The following BTBD9 variants were observed in gnomAD, a reference collection of about 807,000 sequenced individuals.
The protein encoded by BTBD9 is BTB/POZ domain-containing protein 9.
A neutral mutation model predicts 64.3 loss-of-function variants in BTBD9; 49 were observed. The observed-to-expected ratio is 0.76, with a 90% CI of 0.61 to 0.97. The LOEUF is 0.97. BTBD9 is among the 50% of genes least tolerant of loss of function. The probability of loss-of-function intolerance (pLI) is 0.00; values close to 1 mark genes in which losing one functional copy is unlikely to be tolerated. For synonymous variants in BTBD9, 260 were observed against 274.7 expected (o/e 0.95, Z 0.53); for missense variants, 598 against 762.1 (o/e 0.78, Z 2.53).
At chr6:38,409,105 C>T (rs979755603) in intron 6 of BTBD9, among the ~76,000 whole-genome samples, 2 of 152,124 alleles carry the variant, frequency 1.3e-5, no homozygotes, top group Non-Finnish European at 2.9e-5. Context: ...CAAAAACTAG[C>T]CAGGCATGAT....
At chr6:38,206,374 G>C (rs1301768489) in intron 9 of BTBD9, among the ~76,000 whole-genome samples, 2 of 151,794 alleles carry the variant, frequency 1.3e-5, no homozygotes, top group East Asian at 3.9e-4. Context: ...CCAAGTAGCT[G>C]GGATTACAGG....
chr6:38,627,625 T>G (rs1699002), intron 1 of BTBD9, among the ~76,000 whole-genome samples: 101,939 of 152,002 alleles, frequency 0.67, 34,874 homozygotes, highest in African/African-American at 0.82. Context: ...TTCAAAGAGG[T>G]GGAACTGGAT....
rs149614096 is a variant in BTBD9, at chr6:38,481,523, C to A, written c.1154+96077G>T. ...AAAATGAATTCCAGGGTGAGCAGCTCTGCTCACGACCTCTTTTCAGTTGGT... is the reference window on the plus strand; with the variant it reads ...AAAATGAATTCCAGGGTGAGCAGCTATGCTCACGACCTCTTTTCAGTTGGT... On this transcript the variant is annotated intron_variant, in intron 6 of 10. Coordinates refer to ENST00000481247, the MANE Select transcript of BTBD9 (RefSeq NM_001099272.2). 3.9e-3 allele frequency among the ~76,000 whole-genome samples: 587 copies of A among 152,268 alleles called. 5 individuals are homozygous for A. The highest frequency in any genetic ancestry group is 0.013 in the African/African-American group (548 of 41,568).
rs531445902 is a variant in BTBD9, at chr6:38,548,367, C to T, written c.1154+29233G>A. On this transcript the variant is annotated intron_variant, in intron 6 of 10. Transcript: ENST00000481247. ...CTCTCTTCGAAGTCTATTACGTATGCTTTGTAATTTACTGAAAATTGAAAT... is the reference window on the plus strand; with the variant it reads ...CTCTCTTCGAAGTCTATTACGTATGTTTTGTAATTTACTGAAAATTGAAAT... Among the ~76,000 whole-genome samples the T allele has an allele frequency of 3.3e-5, 5 of 152,256 alleles. No individual in the cohort carries two copies. The South Asian group carries it at 6.2e-4, about 19-fold the overall frequency.
At chr6:38,636,207 T>C (rs985481269) in intron 1 of BTBD9, among the ~76,000 whole-genome samples, 1 of 152,166 alleles carries the variant, frequency 6.6e-6, no homozygotes, top group Non-Finnish European at 1.5e-5. Context: ...AGCCAACCAA[T>C]AAACAGCATA....
chr6:38,255,525 T>G (rs1391478501), intron 9 of BTBD9, among the ~76,000 whole-genome samples: 1 of 152,238 alleles, frequency 6.6e-6, no homozygotes, highest in East Asian at 1.9e-4. Flanking sequence ...TACTGATCTC[T>G]TTTCATGTAC....
At chr6:38,445,076 CT>C (rs1769207835) in intron 6 of BTBD9, among the ~76,000 whole-genome samples, 1 of 152,108 alleles carries the variant, frequency 6.6e-6, no homozygotes, top group Admixed American at 6.5e-5. Context: ...CTCTAGAGCT[CT>C]TTTTCCCCTG....
chr6:38,347,335 G>C (rs1331134183), intron 6 of BTBD9, among the ~76,000 whole-genome samples: 1 of 152,126 alleles, frequency 6.6e-6, no homozygotes. Context: ...AAAAAGTTCT[G>C]TGTAAATGAA....
chr6:38,574,375 G>C (rs138603752), intron 6 of BTBD9, among the ~76,000 whole-genome samples: 107 of 152,190 alleles, frequency 7.0e-4, no homozygotes, highest in African/African-American at 2.5e-3. Context: ...AAGATAGGCC[G>C]GTTGTTAAGA....
intron 6 of BTBD9, among the ~76,000 whole-genome samples, chr6:38,556,472 T>C (rs1317413935): frequency 1.3e-5 from 2 of 151,710 alleles, no homozygotes; most frequent in East Asian, 3.9e-4. Flanking sequence ...AAGAGATATA[T>C]AGCAAGCATA....
At chr6:38,349,380 G>A (rs1764412221) in intron 6 of BTBD9, among the ~76,000 whole-genome samples, 1 of 152,148 alleles carries the variant, frequency 6.6e-6, no homozygotes, top group Non-Finnish European at 1.5e-5. Flanking sequence ...CTTTGAGAAT[G>A]CTGGTTGTCT....
intron 6 of BTBD9, among the ~76,000 whole-genome samples, chr6:38,485,975 G>A (rs1771381297): frequency 6.6e-6 from 1 of 152,168 alleles, no homozygotes; most frequent in Non-Finnish European, 1.5e-5. Flanking sequence ...AGGTCTTCTG[G>A]GTAACTTGCT....
chr6:38,204,411 TTAATA>T (rs1266732722), intron 9 of BTBD9, among the ~76,000 whole-genome samples: 14 of 152,180 alleles, frequency 9.2e-5, no homozygotes, highest in Non-Finnish European at 1.9e-4. Context: ...ATACACGCTA[TTAATA>T]TAATATGATG....
chr6:38,610,765 G>C (rs1325548526), intron 1 of BTBD9, among the ~76,000 whole-genome samples: 1 of 152,154 alleles, frequency 6.6e-6, no homozygotes, highest in Non-Finnish European at 1.5e-5. Flanking sequence ...CTCATATACT[G>C]TTGTAAGTAT....
chr6:38,262,425 C>T (rs1764824212), intron 8 of BTBD9, among the ~76,000 whole-genome samples: 1 of 151,476 alleles, frequency 6.6e-6, no homozygotes, highest in African/African-American at 2.4e-5. Context: ...TCCATCTTCC[C>T]TTATTCTCAT....
intron 1 of BTBD9, among the ~76,000 whole-genome samples, chr6:38,619,047 T>G (rs1005870093): frequency 2.0e-5 from 3 of 152,156 alleles, no homozygotes; most frequent in Non-Finnish European, 4.4e-5. Flanking sequence ...CCATGAATTA[T>G]TCAATGATGT....
At chr6:38,228,668 G>T (rs1476569016) in intron 9 of BTBD9, among the ~76,000 whole-genome samples, 1 of 151,566 alleles carries the variant, frequency 6.6e-6, no homozygotes, top group Non-Finnish European at 1.5e-5. Context: ...GAGGTCAGGA[G>T]ATCGAGACCA....
chr6:38,541,439 T>G (rs1361528836), intron 6 of BTBD9, among the ~76,000 whole-genome samples: 1 of 152,118 alleles, frequency 6.6e-6, no homozygotes. Context: ...TAGAGGTCAA[T>G]TATAAAATTT....
At chr6:38,412,509 C>G (rs116592116) in intron 6 of BTBD9, among the ~76,000 whole-genome samples, 2 of 150,290 alleles carry the variant, frequency 1.3e-5, no homozygotes, top group South Asian at 2.1e-4. Flanking sequence ...TGAAGTCTTA[C>G]GACTATGTAA....
Sources: allele counts gnomAD v4.1 joint callset (sites outside exome capture counted in the v4.1 genomes callset), GRCh38; gene constraint gnomAD v4.1.1; transcripts MANE v1.5; gene names NCBI Gene and HGNC (gene_info 2026-07-23, HGNC 2026-07-21).